The following SESN1 variants were observed in gnomAD, a reference collection of about 807,000 sequenced individuals.
SESN1 encodes sestrin 1.
SESN1 carries 30 observed loss-of-function variants against 59.3 expected under a neutral mutation model. The observed-to-expected ratio is 0.51, with a 90% CI of 0.38 to 0.69. The LOEUF (loss-of-function observed/expected upper bound fraction) is 0.69. SESN1 is among the 30% of genes least tolerant of loss of function. The probability of loss-of-function intolerance (pLI) is 0.00; values close to 1 mark genes in which losing one functional copy is unlikely to be tolerated. For missense variants in SESN1, 566 were observed against 673.0 expected, an observed-to-expected ratio of 0.84 and a Z score of 1.76; for synonymous variants, 197 against 219.9, an observed-to-expected ratio of 0.90 and a Z score of 0.92.
At chr6:109,080,857 T>C (rs1173003350) in intron 1 of SESN1, among the ~76,000 whole-genome samples, 2 of 152,052 alleles carry the variant, frequency 1.3e-5, no homozygotes, top group Non-Finnish European at 2.9e-5. Flanking sequence ...ACACCCCAAG[T>C]AGAAAAATTC....
In SESN1 at chr6:109,094,374, T is replaced by C; in HGVS notation, c.-301A>G. The C allele has an allele frequency of 2.4e-6, 1 of 414,464 alleles. No individual in the cohort carries two copies. Among genetic ancestry groups the C allele is most frequent in the Admixed American group, 4.2e-5 (1 of 23,984 alleles). 25.7% of individuals were successfully genotyped at this position (414,464 alleles called of 1,614,324 possible). A position where few individuals can be genotyped will look rare whatever the true frequency, so the allele number is the denominator to read the frequency against. On this transcript the variant is annotated 5_prime_UTR_variant, in exon 1 of 10. Transcript: ENST00000436639. ...AGAGAATTTCGGGGAAGCGTTCTCC[T>C]CCGTCTCGCGGGGTCAGTGGATATC...
At chr6:109,088,981 A>G (rs1781264359) in intron 1 of SESN1, among the ~76,000 whole-genome samples, 2 of 152,188 alleles carry the variant, frequency 1.3e-5, no homozygotes, top group Non-Finnish European at 2.9e-5. Flanking sequence ...AAATGTGAAT[A>G]TATTTAAACA....
intron 1 of SESN1, among the ~76,000 whole-genome samples, chr6:109,041,047 T>A (rs1046968502): frequency 4.6e-5 from 7 of 151,440 alleles, no homozygotes; most frequent in Admixed American, 3.3e-4. Flanking sequence ...ATGCCCATAA[T>A]CCCAGCACTT....
intron 1 of SESN1, among the ~76,000 whole-genome samples, chr6:109,012,384 G>C (rs1382941994): frequency 2.6e-5 from 4 of 151,764 alleles, no homozygotes; most frequent in African/African-American, 9.7e-5. Context: ...CTTTTAAAAA[G>C]ATTTTGGTCA....
intron 1 of SESN1, among the ~76,000 whole-genome samples, chr6:109,081,374 A>G (rs1781119748): frequency 6.6e-6 from 1 of 152,240 alleles, no homozygotes; most frequent in African/African-American, 2.4e-5. Context: ...CCTGGTCTTA[A>G]GCATTTTGGA....
chr6:109,041,921 T>C (rs571491795), intron 1 of SESN1, among the ~76,000 whole-genome samples: 241 of 152,238 alleles, frequency 1.6e-3, no homozygotes, highest in African/African-American at 5.5e-3. Context: ...TCAGGGAATA[T>C]ATACCAAAAC....
Position 108,994,627 on chromosome 6 carries a change from T to C in SESN1, c.973-18A>G, listed in dbSNP as rs768024850. 2 of 1,597,372 alleles carry C rather than the reference T, an allele frequency of 1.3e-6. No individual in the cohort carries two copies. Among genetic ancestry groups the C allele is most frequent in the South Asian group, 1.1e-5 (1 of 89,520 alleles). On this transcript the variant is annotated intron_variant, in intron 5 of 9. Coordinates refer to ENST00000436639, the MANE Select transcript of SESN1 (RefSeq NM_014454.3). ...TCACTTACCTGAAGAAAAAATACAA[T>C]TAATGTTACATGTGGCAGACATAGA...
At chr6:109,042,545 A>T (rs1780359343) in intron 1 of SESN1, among the ~76,000 whole-genome samples, 1 of 150,908 alleles carries the variant, frequency 6.6e-6, no homozygotes, top group Non-Finnish European at 1.5e-5. Flanking sequence ...AAAAAAAAAC[A>T]AACCTGCAAA....
intron 4 of SESN1, 63 bp from the exon 5 acceptor site, chr6:108,998,818 A>G (rs1318913277): frequency 1.5e-5 from 22 of 1,487,216 alleles, no homozygotes; most frequent in Non-Finnish European, 1.9e-5. Context: ...TATACAGTTC[A>G]TTTTAGTATT....
intron 1 of SESN1, among the ~76,000 whole-genome samples, chr6:109,017,511 TCCTCACCTCGTGATCCGCCTG>T (rs1779946039): frequency 6.6e-6 from 1 of 152,158 alleles, no homozygotes; most frequent in African/African-American, 2.4e-5. Context: ...GGTCTCGATC[TCCTCACCTCGTGATCCGCCTG>T]CCTTGGCCTC....
intron 4 of SESN1, 194 bp from the exon 5 acceptor site, chr6:108,998,949 A>T: frequency 2.0e-6 from 1 of 502,398 alleles, no homozygotes; most frequent in Non-Finnish European, 3.5e-6. Flanking sequence ...ACTTAACATA[A>T]TCTGTTAAGA....
chr6:109,081,647 C>T (rs1288713276), intron 1 of SESN1, among the ~76,000 whole-genome samples: 1 of 152,136 alleles, frequency 6.6e-6, no homozygotes, highest in Admixed American at 6.5e-5. Flanking sequence ...CATTTTAAAG[C>T]AGACAGGAAA....
intron 1 of SESN1, among the ~76,000 whole-genome samples, chr6:109,006,008 G>GT (rs1292554905): frequency 1.3e-5 from 2 of 152,264 alleles, no homozygotes; most frequent in East Asian, 3.9e-4. Context: ...TTGCCTTTCA[G>GT]TTTTCGGCTT....
chr6:109,035,904 T>C (rs1426943749), intron 1 of SESN1, among the ~76,000 whole-genome samples: 6 of 152,184 alleles, frequency 3.9e-5, no homozygotes, highest in African/African-American at 7.2e-5. Context: ...ACTGCACCAC[T>C]ATCACATATT....
chr6:109,056,361 G>A (rs1780633387), intron 1 of SESN1, among the ~76,000 whole-genome samples: 1 of 152,180 alleles, frequency 6.6e-6, no homozygotes, highest in African/African-American at 2.4e-5. Flanking sequence ...CCATAATCGT[G>A]CCACTGCACT....
intron 1 of SESN1, among the ~76,000 whole-genome samples, chr6:109,010,490 T>C (rs1282989841): frequency 6.6e-6 from 1 of 152,238 alleles, no homozygotes; most frequent in Admixed American, 6.5e-5. Flanking sequence ...GTGGAATTTA[T>C]AGCAGTAGTT....
chr6:109,048,107 A>T (rs1163875907), intron 1 of SESN1, among the ~76,000 whole-genome samples: 1 of 121,694 alleles, frequency 8.2e-6, no homozygotes, highest in African/African-American at 2.7e-5. Context: ...AATAAATTAA[A>T]AAAAAAAAAA....
At chr6:109,046,681 C>T (rs987649094) in intron 1 of SESN1, among the ~76,000 whole-genome samples, 5 of 135,098 alleles carry the variant, frequency 3.7e-5, no homozygotes, top group Admixed American at 7.1e-5. Flanking sequence ...AAGTGAGGAG[C>T]GTCTCTGCCC....
chr6:109,075,179 T>C (rs539642793), intron 1 of SESN1, among the ~76,000 whole-genome samples: 4 of 152,316 alleles, frequency 2.6e-5, no homozygotes, highest in South Asian at 2.1e-4. Flanking sequence ...TCTAAGCATA[T>C]ACCCTAAATC....
Sources: gnomAD v4.1 joint callset for allele counts (sites outside exome capture counted in the v4.1 genomes callset) on GRCh38, gnomAD v4.1.1 for gene constraint, MANE v1.5 for transcripts, NCBI Gene and HGNC (gene_info 2026-07-23, HGNC 2026-07-21) for gene names.